The following SNTG1 variants were observed in gnomAD, a reference collection of about 807,000 sequenced individuals.
The protein encoded by SNTG1 is gamma-1-syntrophin.
In SNTG1, 39 loss-of-function variants were observed where a neutral mutation model predicts 74.7. The observed-to-expected ratio is 0.52, with a 90% confidence interval of 0.40 to 0.68. SNTG1 has a LOEUF of 0.68. Ranked by LOEUF, SNTG1 falls within the 30% of genes least tolerant of loss-of-function variation. The pLI, the probability that SNTG1 is intolerant of heterozygous loss-of-function variation, is 0.00. For missense variants in SNTG1, 685 were observed against 609.5 expected (o/e 1.12, Z -1.30); for synonymous variants, 254 against 217.1 (o/e 1.17, Z -1.49).
intron 1 of SNTG1, among the ~76,000 whole-genome samples, chr8:49,977,484 A>C (rs1447569690): frequency 6.6e-6 from 1 of 152,156 alleles, no homozygotes; most frequent in Non-Finnish European, 1.5e-5. Context: ...GTTAGATCTC[A>C]TCTTTATATA....
rs141476827 is a variant in SNTG1 at position 50,509,681 on chromosome 8, G to A, written c.466+6801G>A. Among the ~76,000 whole-genome samples the A allele has an allele frequency of 1.4e-4, 22 of 152,214 alleles. No homozygotes were observed. In the East Asian group the frequency reaches 3.9e-3, roughly 27 times the overall value. On this transcript the variant is annotated intron_variant, in intron 9 of 18. Transcript: ENST00000642720. ...GTATTTTATTCTCTTTGAAGCAATT[G>A]TGAATGGGAGTTCACTTATGATTTG...
intron 1 of SNTG1, chr8:50,163,404 T>G (rs777852795): frequency 1.3e-4 from 20 of 151,968 alleles, no homozygotes; most frequent in Non-Finnish European, 2.2e-4. Context: ...GTCTTCCAGT[T>G]ATAATTCCAA....
At chr8:50,550,326 C>T (rs1272561963) in intron 11 of SNTG1, among the ~76,000 whole-genome samples, 1 of 152,114 alleles carries the variant, frequency 6.6e-6, no homozygotes, top group Non-Finnish European at 1.5e-5. Flanking sequence ...TTAGTCTCTG[C>T]AGCTCTTGCT....
chr8:50,186,459 A>G (rs2083388351), intron 2 of SNTG1, among the ~76,000 whole-genome samples: 1 of 152,168 alleles, frequency 6.6e-6, no homozygotes, highest in Non-Finnish European at 1.5e-5. Context: ...ACTGTCTTCC[A>G]CAATGTTTGA....
intron 17 of SNTG1, among the ~76,000 whole-genome samples, chr8:50,719,084 T>C: frequency 6.6e-6 from 1 of 152,178 alleles, no homozygotes; most frequent in Non-Finnish European, 1.5e-5. Flanking sequence ...AAATTGATAA[T>C]ACAAATTATT....
intron 8 of SNTG1, among the ~76,000 whole-genome samples, chr8:50,480,624 G>A (rs2093732468): frequency 6.6e-6 from 1 of 152,118 alleles, no homozygotes; most frequent in South Asian, 2.1e-4. Context: ...ACATAAAAAA[G>A]TCCACCACAC....
chr8:50,594,141 A>T (rs79770654), intron 13 of SNTG1, among the ~76,000 whole-genome samples: 6,833 of 152,274 alleles, frequency 0.045, 272 homozygotes, highest in African/African-American at 0.1. Context: ...ACTGAATGGA[A>T]GTCAAGTGAT....
chr8:50,344,870 G>T (rs10095759), intron 2 of SNTG1, among the ~76,000 whole-genome samples: 9,948 of 152,212 alleles, frequency 0.065, 353 homozygotes, highest in African/African-American at 0.072. Flanking sequence ...GCCTTTCAAG[G>T]TGTGATTAAG....
chr8:50,489,771 T>C (rs2093834062), intron 8 of SNTG1, among the ~76,000 whole-genome samples: 1 of 152,238 alleles, frequency 6.6e-6, no homozygotes, highest in African/African-American at 2.4e-5. Context: ...AGAAGCTCTT[T>C]AGTTTAACCC....
intron 2 of SNTG1, among the ~76,000 whole-genome samples, chr8:50,337,619 C>G (rs1218642134): frequency 6.6e-6 from 1 of 152,138 alleles, no homozygotes; most frequent in Admixed American, 6.5e-5. Flanking sequence ...CCCTTGAAGA[C>G]CCCTCAAACT....
intron 4 of SNTG1, among the ~76,000 whole-genome samples, chr8:50,425,172 G>A (rs2093145923): frequency 2.0e-5 from 3 of 152,110 alleles, no homozygotes; most frequent in Admixed American, 1.3e-4. Context: ...GGGCAAAAAG[G>A]GATTTTTTTT....
intron 1 of SNTG1, among the ~76,000 whole-genome samples, chr8:49,973,077 C>T (rs868643823): frequency 1.1e-4 from 17 of 152,132 alleles, no homozygotes; most frequent in South Asian, 6.2e-4. Flanking sequence ...ATGTTTATTG[C>T]GGCACTATTC....
intron 1 of SNTG1, among the ~76,000 whole-genome samples, chr8:50,025,770 T>C (rs570716384): frequency 1.1e-4 from 16 of 152,226 alleles, no homozygotes; most frequent in Non-Finnish European, 2.1e-4. Flanking sequence ...TTTTACTTTG[T>C]TATTGCTTTA....
At chr8:50,704,122 T>A (rs868734045) in intron 15 of SNTG1, among the ~76,000 whole-genome samples, 4 of 151,254 alleles carry the variant, frequency 2.6e-5, no homozygotes, top group Middle Eastern at 6.9e-3. Flanking sequence ...CGTTTTTTTT[T>A]AAGCAATATT....
intron 1 of SNTG1, among the ~76,000 whole-genome samples, chr8:50,153,358 C>T (rs1288195493): frequency 2.0e-5 from 3 of 152,132 alleles, no homozygotes; most frequent in South Asian, 2.1e-4. Flanking sequence ...AAACTTCCTC[C>T]GTTAGCTCAG....
intron 2 of SNTG1, among the ~76,000 whole-genome samples, chr8:50,376,646 G>A (rs1005135049): frequency 3.3e-5 from 5 of 149,344 alleles, no homozygotes; most frequent in African/African-American, 1.2e-4. Context: ...TTTTTTGCCT[G>A]CTTCCATGAA....
intron 2 of SNTG1, among the ~76,000 whole-genome samples, chr8:50,380,283 G>A (rs1198755553): frequency 1.3e-5 from 2 of 152,214 alleles, no homozygotes; most frequent in Admixed American, 6.5e-5. Context: ...TGTTGTAACT[G>A]AGTTTGGAGA....
chr8:50,794,018 T>G lies in SNTG1; in HGVS notation c.*1189T>G, dbSNP rs922894086. ...AAAGCCTTAGAGGTGTGCAATTTAC[T>G]CAGATTCCAGGTATTATTCAACTAG... On this transcript the variant is annotated 3_prime_UTR_variant, in exon 19 of 19. Transcript: ENST00000642720. 4 of 151,814 alleles carry G rather than the reference T, an allele frequency of 2.6e-5. No individual in the cohort carries two copies. Among genetic ancestry groups the G allele is most frequent in the Non-Finnish European group, 5.9e-5 (4 of 67,882 alleles). 9.4% of individuals were successfully genotyped at this position (151,814 alleles called of 1,614,324 possible). A position where few individuals can be genotyped will look rare whatever the true frequency, so the allele number is the denominator to read the frequency against.
chr8:50,101,594 C>T (rs1426673583), intron 1 of SNTG1, among the ~76,000 whole-genome samples: 1 of 151,782 alleles, frequency 6.6e-6, no homozygotes, highest in Non-Finnish European at 1.5e-5. Flanking sequence ...TTTTAGGGTA[C>T]ATGTGCACAA....
Sources: allele counts gnomAD v4.1 joint callset (sites outside exome capture counted in the v4.1 genomes callset), GRCh38; gene constraint gnomAD v4.1.1; transcripts MANE v1.5; gene names NCBI Gene and HGNC (gene_info 2026-07-23, HGNC 2026-07-21).